HIRA: variants seen among roughly 807,000 people sequenced by gnomAD.
HIRA encodes histone cell cycle regulator, also known as protein HIRA.
A neutral mutation model predicts 126.6 loss-of-function variants in HIRA; 13 were observed. The ratio of observed to expected loss-of-function variants is 0.10; its 90% CI spans 0.07 to 0.16. The LOEUF (loss-of-function observed/expected upper bound fraction) is 0.16, where lower values mean the gene tolerates loss of function less well. Ranked by LOEUF, HIRA falls within the 10% of genes least tolerant of loss-of-function variation. The probability of loss-of-function intolerance (pLI) is 1.00; values close to 1 mark genes in which losing one functional copy is unlikely to be tolerated. For synonymous variants in HIRA, 511 were observed against 520.0 expected, an observed-to-expected ratio of 0.98 and a Z score of 0.24; for missense variants, 834 against 1,314.4, an observed-to-expected ratio of 0.63 and a Z score of 5.65.
At chr22:19,401,040 C>T (rs1236650827) in intron 5 of HIRA, among the ~76,000 whole-genome samples, 2 of 152,086 alleles carry the variant, frequency 1.3e-5, no homozygotes, top group African/African-American at 4.8e-5. Flanking sequence ...GCTGAGAGCC[C>T]ACCACCACTC....
At chr22:19,354,937 A>T (rs62222289) in intron 21 of HIRA, among the ~76,000 whole-genome samples, 1 of 151,740 alleles carries the variant, frequency 6.6e-6, no homozygotes, top group Admixed American at 6.6e-5. Flanking sequence ...TGGCTTATTT[A>T]AAATTTTTTT....
chr22:19,355,946 T>A, intron 20 of HIRA, 81 bp from the exon 21 acceptor site: 1 of 999,456 alleles, frequency 1.0e-6, no homozygotes, highest in Non-Finnish European at 1.5e-6. Context: ...AAATCTGTAC[T>A]CTAGGCTCCC....
At chr22:19,377,377 A>G (rs2146211124) in intron 14 of HIRA, among the ~76,000 whole-genome samples, 1 of 152,262 alleles carries the variant, frequency 6.6e-6, no homozygotes, top group East Asian at 1.9e-4. Flanking sequence ...GTTCTTTCTG[A>G]TTTCTAATTT....
At chr22:19,359,274 C>T in intron 18 of HIRA, 62 bp downstream of exon 18, 1 of 1,466,076 alleles carries the variant, frequency 6.8e-7, no homozygotes, top group Non-Finnish European at 9.0e-7. Flanking sequence ...CAGGCCCAGG[C>T]CCAGAATGAT....
intron 4 of HIRA, among the ~76,000 whole-genome samples, chr22:19,406,612 G>A (rs1029313834): frequency 6.6e-6 from 1 of 152,014 alleles, no homozygotes; most frequent in African/African-American, 2.4e-5. Context: ...TGAAGAGACA[G>A]CCTCTGCCTC....
chr22:19,405,948 C>A, intron 4 of HIRA, 68 bp from the exon 5 acceptor site: 1 of 1,043,088 alleles, frequency 9.6e-7, no homozygotes, highest in Non-Finnish European at 1.3e-6. Context: ...ATGCTCCCTG[C>A]AGCCAGCTTA....
chr22:19,387,759 G>A lies in HIRA; in HGVS notation c.1065C>T (p.Leu355=), dbSNP rs141578108. ...CGCCAAGCTCATCCTGGGAGAAGTCGAGGAATGCCACAGAGCCGTCCATAG... is the reference window on the plus strand; with the variant it reads ...CGCCAAGCTCATCCTGGGAGAAGTCAAGGAATGCCACAGAGCCGTCCATAG... The part of the protein sequence containing the change: ...VCSMDGSVAF[L]DFSQDELGDP... Residue 355 remains leucine (L), a synonymous_variant, in exon 11 of 25, where the codon CTC becomes CTT. Coordinates refer to ENST00000263208, the MANE Select transcript of HIRA (RefSeq NM_003325.4). 37 of 1,613,838 alleles carry A rather than the reference G, an allele frequency of 2.3e-5. No homozygotes were observed. The South Asian group carries it at 3.2e-4, about 14-fold the overall frequency.
intron 12 of HIRA, among the ~76,000 whole-genome samples, chr22:19,385,083 C>A (rs540126290): frequency 6.6e-6 from 1 of 152,260 alleles, no homozygotes; most frequent in East Asian, 1.9e-4. Flanking sequence ...TACACAGGCT[C>A]CTGGAGATGG....
chr22:19,364,253 A>T (rs535582816), intron 15 of HIRA, among the ~76,000 whole-genome samples: 14 of 152,324 alleles, frequency 9.2e-5, no homozygotes, highest in African/African-American at 3.1e-4. Flanking sequence ...CAGGCATCAG[A>T]GACAGTAAAG....
Position 19,353,474 on chromosome 22 carries a change from C to T in HIRA, c.2730G>A (p.Val910=). The change falls in exon 23 of 25, where the codon GTG becomes GTA. Residue 910 remains valine (V), a synonymous_variant. Transcript: ENST00000263208. ...GGTAGGCCAGGGTGGTCTCTTGCTGCACCACATGAGGCACGGAGAAGAGCC... is the reference window on the plus strand; with the variant it reads ...GGTAGGCCAGGGTGGTCTCTTGCTGTACCACATGAGGCACGGAGAAGAGCC... ...AARLFSVPHV[V]QQETTLAYLE... 3 of 1,612,728 alleles carry T rather than the reference C, an allele frequency of 1.9e-6. No individual in the cohort carries two copies. The highest frequency in any genetic ancestry group is 2.2e-5 in the East Asian group (1 of 44,882).
chr22:19,415,632 T>C (rs753021880), intron 1 of HIRA, among the ~76,000 whole-genome samples: 1 of 151,988 alleles, frequency 6.6e-6, no homozygotes, highest in African/African-American at 2.4e-5. Context: ...CTACTAAAAA[T>C]ACAAAAATTG....
chr22:19,371,761 AAT>A (rs1169004577), intron 15 of HIRA, among the ~76,000 whole-genome samples: 3 of 152,174 alleles, frequency 2.0e-5, no homozygotes, highest in African/African-American at 7.2e-5. Context: ...CTCTTAGCAT[AAT>A]GTCTTTAAGG....
At chr22:19,384,154 C>A (rs569279610) in intron 12 of HIRA, among the ~76,000 whole-genome samples, 56 of 151,976 alleles carry the variant, frequency 3.7e-4, no homozygotes, top group Admixed American at 1.2e-3. Context: ...CCCGTCTCTA[C>A]TAAAAATACA....
At chr22:19,379,063 C>T (rs529230346) in intron 13 of HIRA, among the ~76,000 whole-genome samples, 5 of 151,632 alleles carry the variant, frequency 3.3e-5, no homozygotes, top group South Asian at 2.1e-4. Context: ...GAGTCTCTCC[C>T]GCCGCCCAGG....
At position 19,330,991 on chromosome 22, in the gene HIRA, T is replaced by C. The variant is rs1601789440; in HGVS notation, c.*449A>G. 8.5e-6 allele frequency: 3 copies of C among 354,512 alleles called. No individual in the cohort carries two copies. The South Asian group carries it at 1.1e-4, about 13-fold the overall frequency. 22.0% of individuals were successfully genotyped at this position (354,512 alleles called of 1,614,324 possible). A position where few individuals can be genotyped will look rare whatever the true frequency, so the allele number is the denominator to read the frequency against. On this transcript the variant is annotated 3_prime_UTR_variant, in exon 25 of 25. Coordinates refer to ENST00000263208, the MANE Select transcript of HIRA (RefSeq NM_003325.4). ...TCTAGTACAAAAATAGTCCGTGTGT[T>C]GGAACAGCTTTCCTTTTACATAGGT...
At chr22:19,359,072 A>G (rs559167407) in intron 18 of HIRA, among the ~76,000 whole-genome samples, 4 of 152,206 alleles carry the variant, frequency 2.6e-5, no homozygotes, top group Admixed American at 1.3e-4. Context: ...GAATCAGGCC[A>G]TCAGGTTCAA....
chr22:19,397,348 T>A (rs1006084402), intron 6 of HIRA, among the ~76,000 whole-genome samples: 19 of 152,190 alleles, frequency 1.2e-4, no homozygotes, highest in African/African-American at 4.6e-4. Context: ...GACAAAGGTG[T>A]GTACGACGGT....
chr22:19,338,482 T>A (rs1019122053), intron 24 of HIRA, among the ~76,000 whole-genome samples: 6 of 150,828 alleles, frequency 4.0e-5, no homozygotes, highest in Admixed American at 6.6e-5. Flanking sequence ...GTACCTCACA[T>A]CTCGATACTA....
At chr22:19,354,486 G>A (rs2088791100) in intron 21 of HIRA, among the ~76,000 whole-genome samples, 1 of 152,170 alleles carries the variant, frequency 6.6e-6, no homozygotes, top group Non-Finnish European at 1.5e-5. Flanking sequence ...CACATGGCCT[G>A]GGCCCTGTAG....
Sources: allele counts gnomAD v4.1 joint callset (sites outside exome capture counted in the v4.1 genomes callset), GRCh38; gene constraint gnomAD v4.1.1; transcripts MANE v1.5; gene names NCBI Gene and HGNC (gene_info 2026-07-23, HGNC 2026-07-21).